Variants in GABRR3 observed in about 807,000 individuals in gnomAD.
GABRR3 encodes the protein gamma-aminobutyric acid receptor subunit rho-3.
GABRR3 carries 29 observed loss-of-function variants against 43.2 expected under a neutral mutation model. That is an observed-to-expected ratio of 0.67 (90% confidence interval 0.50 to 0.92). The LOEUF is 0.92. GABRR3 is among the 40% of genes least tolerant of loss of function. The pLI is 0.00. For synonymous variants in GABRR3, 206 were observed against 195.9 expected, an observed-to-expected ratio of 1.05 and a Z score of -0.43; for missense variants, 576 against 572.3, an observed-to-expected ratio of 1.01 and a Z score of -0.07.
intron 4 of GABRR3, 49 bp downstream of exon 4, chr3:98,017,606 G>A (rs1446673097): frequency 1.2e-5 from 16 of 1,331,008 alleles, no homozygotes; most frequent in Non-Finnish European, 1.6e-5. Flanking sequence ...TGACACTGCC[G>A]AGTTTCTGTC....
chr3:98,023,586 A>G (rs1706977961), intron 3 of GABRR3, among the ~76,000 whole-genome samples: 1 of 152,180 alleles, frequency 6.6e-6, no homozygotes, highest in Admixed American at 6.5e-5. Context: ...CTTTGGGAAA[A>G]TTTGGCTGGG....
At chr3:98,005,697 G>A (rs563776989) in intron 7 of GABRR3, among the ~76,000 whole-genome samples, 1 of 152,224 alleles carries the variant, frequency 6.6e-6, no homozygotes, top group African/African-American at 2.4e-5. Flanking sequence ...ATGATTTAGT[G>A]GTAAAGTTAG....
At chr3:97,999,774 C>T (rs1706608035) in intron 8 of GABRR3, 1 of 151,964 alleles carries the variant, frequency 6.6e-6, no homozygotes, top group South Asian at 2.1e-4. Context: ...TCATAGTGAC[C>T]TTTAGGAGGT....
chr3:97,990,265 G>A (rs1183647716), intron 9 of GABRR3, among the ~76,000 whole-genome samples: 1 of 152,120 alleles, frequency 6.6e-6, no homozygotes, highest in Non-Finnish European at 1.5e-5. Flanking sequence ...ACACCACTGT[G>A]GAAACACAGA....
intron 7 of GABRR3, among the ~76,000 whole-genome samples, chr3:98,004,912 C>A (rs1422451013): frequency 1.3e-5 from 2 of 151,768 alleles, no homozygotes; most frequent in Non-Finnish European, 2.9e-5. Context: ...TTGAGTTTGT[C>A]AGAAGATTAT....
intron 3 of GABRR3, among the ~76,000 whole-genome samples, chr3:98,020,672 G>C (rs1416174002): frequency 2.6e-5 from 4 of 151,856 alleles, no homozygotes; most frequent in Admixed American, 2.0e-4. Flanking sequence ...GGAGCCTAAA[G>C]GTTGTTTGAA....
intron 9 of GABRR3, among the ~76,000 whole-genome samples, chr3:97,990,847 G>C (rs1325999996): frequency 6.6e-6 from 1 of 152,144 alleles, no homozygotes; most frequent in Non-Finnish European, 1.5e-5. Flanking sequence ...CAAGATGAAA[G>C]AGCTCTGGAG....
chr3:98,034,239 A>T (rs1409799463), intron 2 of GABRR3, among the ~76,000 whole-genome samples: 1 of 152,122 alleles, frequency 6.6e-6, no homozygotes, highest in Non-Finnish European at 1.5e-5. Flanking sequence ...TTAGTACTAA[A>T]ACCTATAAAG....
exon 10 of GABRR3, chr3:97,986,700 A>G: frequency 6.4e-7 from 1 of 1,551,788 alleles, no homozygotes; most frequent in Non-Finnish European, 8.8e-7. Flanking sequence ...TATACACCCC[A>G]GTAAAACAAA....
At position 98,002,100 on chromosome 3, in the gene GABRR3, A is replaced by G. The variant is rs372288368; in HGVS notation, c.755-333T>C. 7.2e-4 allele frequency among the ~76,000 whole-genome samples: 110 copies of G among 152,254 alleles called. 1 individual carries two copies. Among genetic ancestry groups the G allele is most frequent in the African/African-American group, 2.6e-3 (106 of 41,554 alleles). On this transcript the variant is annotated intron_variant, in intron 7 of 9. Transcript: ENST00000621172. Reference sequence around the variant, plus strand: ...CTGCAAGAGGGAAAGTCTTCAATACATGACTAATAATGGCATAAAAGAACC... The same window carrying G: ...CTGCAAGAGGGAAAGTCTTCAATACGTGACTAATAATGGCATAAAAGAACC...
chr3:98,021,579 T>G (rs1706948905), intron 3 of GABRR3, among the ~76,000 whole-genome samples: 1 of 152,202 alleles, frequency 6.6e-6, no homozygotes, highest in Non-Finnish European at 1.5e-5. Flanking sequence ...TAAAACCAAC[T>G]TACATGTTAT....
chr3:97,992,537 C>T (rs1205002894), intron 9 of GABRR3, among the ~76,000 whole-genome samples: 1 of 152,148 alleles, frequency 6.6e-6, no homozygotes, highest in Non-Finnish European at 1.5e-5. Context: ...TTATTATCAT[C>T]ATCATCCATT....
intron 3 of GABRR3, among the ~76,000 whole-genome samples, chr3:98,023,161 T>A (rs112885583): frequency 6.6e-6 from 1 of 152,182 alleles, no homozygotes; most frequent in African/African-American, 2.4e-5. Context: ...ATGGACCACT[T>A]TGAGTGTCAA....
At chr3:98,007,512 A>G (rs1706736187) in intron 7 of GABRR3, among the ~76,000 whole-genome samples, 1 of 152,210 alleles carries the variant, frequency 6.6e-6, no homozygotes, top group African/African-American at 2.4e-5. Context: ...TTCCAAAGAG[A>G]TTACTCTGTC....
intron 8 of GABRR3, among the ~76,000 whole-genome samples, chr3:97,994,540 T>A (rs1267876282): frequency 3.3e-5 from 5 of 152,208 alleles, no homozygotes; most frequent in African/African-American, 1.2e-4. Context: ...GAGGGTGCTG[T>A]CTGTATTCCC....
At chr3:98,027,060 T>C (rs1201067124) in intron 2 of GABRR3, among the ~76,000 whole-genome samples, 2 of 152,208 alleles carry the variant, frequency 1.3e-5, no homozygotes, top group Non-Finnish European at 2.9e-5. Flanking sequence ...CTATGAATAA[T>C]TGAACACATA....
chr3:98,002,429 C>A (rs186283025), intron 7 of GABRR3, among the ~76,000 whole-genome samples: 2 of 152,258 alleles, frequency 1.3e-5, no homozygotes, highest in East Asian at 3.9e-4. Flanking sequence ...TGGTGACATC[C>A]ACACACACAT....
At chr3:97,997,365 A>C (rs1410959156) in intron 8 of GABRR3, 1 of 152,224 alleles carries the variant, frequency 6.6e-6, no homozygotes, top group African/African-American at 2.4e-5. Flanking sequence ...CTAAAATTCT[A>C]AAAATCACAG....
chr3:97,992,032 G>A (rs151326818), intron 9 of GABRR3, among the ~76,000 whole-genome samples: 1 of 152,268 alleles, frequency 6.6e-6, no homozygotes, highest in African/African-American at 2.4e-5. Context: ...TTAAGTTTCT[G>A]AAGTACAATA....
Sources: gnomAD v4.1 joint callset for allele counts (sites outside exome capture counted in the v4.1 genomes callset) on GRCh38, gnomAD v4.1.1 for gene constraint, MANE v1.5 for transcripts, NCBI Gene and HGNC (gene_info 2026-07-23, HGNC 2026-07-21) for gene names.